The following EFHC1 variants were observed in gnomAD, a reference collection of about 807,000 sequenced individuals.
EFHC1 encodes the protein EF-hand domain-containing protein 1.
Under a neutral mutation model 69.9 loss-of-function variants are expected in EFHC1, and 53 were observed. That is an observed-to-expected ratio of 0.76 (90% CI 0.61 to 0.95). EFHC1 has a LOEUF of 0.95. EFHC1 is among the 40% of genes least tolerant of loss of function. The probability of loss-of-function intolerance (pLI) is 0.00; values close to 1 mark genes in which losing one functional copy is unlikely to be tolerated. For synonymous variants in EFHC1, 256 were observed against 278.4 expected (o/e 0.92, Z 0.80); for missense variants, 739 against 798.7 (o/e 0.93, Z 0.90).
intron 5 of EFHC1, among the ~76,000 whole-genome samples, chr6:52,455,665 G>A (rs1199340215): frequency 6.7e-6 from 1 of 148,490 alleles, no homozygotes; most frequent in Non-Finnish European, 1.5e-5. Flanking sequence ...AAAAAAAAAA[G>A]AAAAAGAAAT....
At chr6:52,421,767 C>G (rs1764196040) in intron 1 of EFHC1, among the ~76,000 whole-genome samples, 3 of 152,168 alleles carry the variant, frequency 2.0e-5, no homozygotes, top group Admixed American at 1.3e-4. Context: ...TTTTTAGTTT[C>G]AGTGGACTTT....
chr6:52,424,780 A>G (rs1288963045), intron 2 of EFHC1, among the ~76,000 whole-genome samples: 2 of 152,186 alleles, frequency 1.3e-5, no homozygotes, highest in African/African-American at 2.4e-5. Context: ...TCCTCTTTTC[A>G]CTAAAGTGAA....
chr6:52,440,606 A>G (rs535965685), intron 3 of EFHC1, among the ~76,000 whole-genome samples: 9 of 152,092 alleles, frequency 5.9e-5, no homozygotes, highest in Middle Eastern at 3.4e-3. Flanking sequence ...ACTTGCGGGT[A>G]TGTCTTTATG....
At chr6:52,473,617 C>T (rs2114017048) in intron 7 of EFHC1, among the ~76,000 whole-genome samples, 1 of 152,094 alleles carries the variant, frequency 6.6e-6, no homozygotes, top group East Asian at 1.9e-4. Context: ...CCTGACCCTA[C>T]TAAAAATACA....
intron 6 of EFHC1, 21 bp from the exon 7 acceptor site, chr6:52,469,312 T>C (rs1765381749): frequency 1.2e-6 from 2 of 1,613,846 alleles, no homozygotes; most frequent in African/African-American, 1.3e-5. Flanking sequence ...GCCTTACTTC[T>C]TGCTTCCTAT....
intron 9 of EFHC1, chr6:52,488,806 TTA>T (rs1765839077): frequency 6.6e-6 from 1 of 152,350 alleles, no homozygotes; most frequent in Admixed American, 6.5e-5. Flanking sequence ...ATACATACTT[TTA>T]TGTCTTGAGT....
At chr6:52,480,358 G>T (rs1287307524) in intron 9 of EFHC1, among the ~76,000 whole-genome samples, 1 of 152,164 alleles carries the variant, frequency 6.6e-6, no homozygotes, top group East Asian at 1.9e-4. Context: ...CCAAGTTTCA[G>T]TGGGCCTGTG....
rs1055966349 is a variant in EFHC1, at chr6:52,465,202, C to T, written c.1137+87C>T. The T allele has an allele frequency of 1.9e-5, 22 of 1,152,768 alleles. No homozygotes were observed. The East Asian group carries it at 2.0e-4, about 11-fold the overall frequency. The allele number at this position is 1,152,768 out of a possible 1,614,324, so 71.4% of individuals were successfully genotyped here. ...AAAAAAAGACTTCTATGCAAATATT[C>T]GATAAATAATGGACAAAGTATATGT... On this transcript the variant is annotated intron_variant, in intron 6 of 10. Transcript: ENST00000371068.
intron 9 of EFHC1, among the ~76,000 whole-genome samples, chr6:52,480,380 CT>C (rs1004730107): frequency 3.9e-5 from 6 of 152,126 alleles, no homozygotes; most frequent in African/African-American, 1.4e-4. Flanking sequence ...AATGCAAATT[CT>C]TGTTGTTCAA....
chr6:52,449,481 T>C (rs1010163182), intron 3 of EFHC1, among the ~76,000 whole-genome samples: 1 of 152,228 alleles, frequency 6.6e-6, no homozygotes, highest in Non-Finnish European at 1.5e-5. Context: ...CATAGGCTAT[T>C]GATTACTGAT....
At chr6:52,444,718 G>A (rs1475021360) in intron 3 of EFHC1, among the ~76,000 whole-genome samples, 3 of 152,066 alleles carry the variant, frequency 2.0e-5, no homozygotes, top group Admixed American at 6.6e-5. Flanking sequence ...TTTTTGCATC[G>A]ATGTTTATCA....
At chr6:52,462,621 C>T (rs953767465) in intron 5 of EFHC1, among the ~76,000 whole-genome samples, 1 of 152,112 alleles carries the variant, frequency 6.6e-6, no homozygotes, top group Non-Finnish European at 1.5e-5. Flanking sequence ...CATGGTGGCT[C>T]ACACCTGTAA....
intron 7 of EFHC1, among the ~76,000 whole-genome samples, chr6:52,470,478 A>G (rs971306217): frequency 2.0e-5 from 3 of 152,200 alleles, no homozygotes; most frequent in African/African-American, 7.2e-5. Flanking sequence ...GGTACTCAGT[A>G]ACTGTTCGTT....
chr6:52,476,417 A>G (rs554763590), intron 7 of EFHC1, among the ~76,000 whole-genome samples: 2 of 152,332 alleles, frequency 1.3e-5, no homozygotes, highest in South Asian at 4.1e-4. Flanking sequence ...AGATCCAGCA[A>G]TGGCTGCTAA....
chr6:52,423,657 ATTTTT>A, intron 1 of EFHC1: 147 of 263,018 alleles, frequency 5.6e-4, no homozygotes, highest in East Asian at 9.5e-4. Context: ...CACCCAGCTA[ATTTTT>A]TTTTTTTTTT....
At chr6:52,471,759 T>C (rs1018340711) in intron 7 of EFHC1, among the ~76,000 whole-genome samples, 4 of 152,232 alleles carry the variant, frequency 2.6e-5, no homozygotes, top group African/African-American at 9.6e-5. Flanking sequence ...TCCCAGGTAC[T>C]CAGGAGGCTG....
chr6:52,477,105 T>TC (rs989730199), intron 7 of EFHC1, among the ~76,000 whole-genome samples: 3 of 151,706 alleles, frequency 2.0e-5, no homozygotes, highest in Admixed American at 6.6e-5. Flanking sequence ...ATTACCATTG[T>TC]CCCCCCCAAC....
At chr6:52,458,630 T>C (rs1289184829) in intron 5 of EFHC1, among the ~76,000 whole-genome samples, 1 of 149,122 alleles carries the variant, frequency 6.7e-6, no homozygotes, top group Non-Finnish European at 1.5e-5. Context: ...ATAACAGATG[T>C]TGGCAAGCTT....
rs116756458 is a variant in EFHC1 at position 52,468,216 on chromosome 6, A to C, written c.1138-1117A>C. ...AAGGTTATGGTACTCTGGGGTTCTAAGGGTACTACTAGCTTGGTTGAAGAT... is the reference window on the plus strand; with the variant it reads ...AAGGTTATGGTACTCTGGGGTTCTACGGGTACTACTAGCTTGGTTGAAGAT... On this transcript the variant is annotated intron_variant, in intron 6 of 10. Coordinates refer to ENST00000371068, the MANE Select transcript of EFHC1 (RefSeq NM_018100.4). 3.2e-3 allele frequency among the ~76,000 whole-genome samples: 492 copies of C among 152,282 alleles called. 2 individuals carry two copies. Among genetic ancestry groups the C allele is most frequent in the African/African-American group, 0.012 (481 of 41,548 alleles).
Sources: gnomAD v4.1 joint callset for allele counts (sites outside exome capture counted in the v4.1 genomes callset) on GRCh38, gnomAD v4.1.1 for gene constraint, MANE v1.5 for transcripts, NCBI Gene and HGNC (gene_info 2026-07-23, HGNC 2026-07-21) for gene names.